Variants in SLC28A1 observed in about 807,000 individuals in gnomAD.
SLC28A1 encodes sodium/nucleoside cotransporter 1.
A neutral mutation model predicts 74.8 loss-of-function variants in SLC28A1; 64 were observed. The observed-to-expected ratio is 0.86, with a 90% CI of 0.70 to 1.05. The LOEUF is 1.05. Ranked by LOEUF, SLC28A1 falls within the 50% of genes least tolerant of loss-of-function variation. The pLI is 0.00. For missense variants in SLC28A1, 828 were observed against 822.8 expected (o/e 1.01, Z -0.08); for synonymous variants, 359 against 335.0 (o/e 1.07, Z -0.78).
intron 8 of SLC28A1, 124 bp downstream of exon 8, chr15:84,905,776 G>C (rs1967008006): frequency 2.5e-6 from 2 of 789,478 alleles, no homozygotes; most frequent in African/African-American, 3.4e-5. Context: ...GGAGGGTGGG[G>C]TGGACTGGGG....
the SLC28A1 span, chr15:84,961,489 A>G: frequency 2.2e-6 from 1 of 453,616 alleles, no homozygotes; most frequent in South Asian, 1.6e-5. Context: ...GTGCCGTCAC[A>G]CCTGGCTAAT....
At chr15:84,969,534 C>CG in the SLC28A1 span, among the ~76,000 whole-genome samples, 1 of 151,892 alleles carries the variant, frequency 6.6e-6, no homozygotes, top group Admixed American at 6.6e-5. Context: ...ACCCTGCCCC[C>CG]CGACTCGGAC....
chr15:84,945,003 G>A (rs1480252018), intron 18 of SLC28A1, 122 bp from the exon 19 acceptor site: 22 of 1,108,800 alleles, frequency 2.0e-5, no homozygotes, highest in Non-Finnish European at 3.0e-5. Context: ...GTGAAGGCTC[G>A]AGGACCAATG....
At chr15:84,922,531 C>T (rs569124381) in intron 11 of SLC28A1, among the ~76,000 whole-genome samples, 3 of 152,262 alleles carry the variant, frequency 2.0e-5, no homozygotes, top group Non-Finnish European at 2.9e-5. Context: ...CCCCGCTGCC[C>T]GGGCCACCTG....
chr15:84,915,949 G>C (rs58230131), intron 9 of SLC28A1, among the ~76,000 whole-genome samples: 120,130 of 147,222 alleles, frequency 0.82, 48,810 homozygotes, highest in Admixed American at 0.84. Flanking sequence ...TGTTGTTGTT[G>C]TTGTTCTTCT....
Position 84,935,495 on chromosome 15 carries a change from G to A in SLC28A1, c.1558G>A (p.Gly520Ser), listed in dbSNP as rs147369428. ...CCTGGCAGGGGCCGAGGAGTGGGTC[G>A]GCGACAGGAAGCAGTGGATCTCCGT... Reference protein sequence around the residue: ...RRLAGAEEWVGDRKQWISVRA... With the variant: ...RRLAGAEEWVSDRKQWISVRA... The change falls in exon 15 of 19, where the codon GGC becomes AGC. Residue 520 changes from glycine to serine, a missense_variant. Physicochemically the swap from Gly to Ser is moderately conservative, Grantham distance 56. Coordinates refer to ENST00000394573, the MANE Select transcript of SLC28A1 (RefSeq NM_004213.5). 77 of 1,613,832 alleles carry A rather than the reference G, an allele frequency of 4.8e-5. No individual in the cohort carries two copies. The African/African-American group carries it at 4.8e-4, about 10-fold the overall frequency.
Position 84,944,625 on chromosome 15 carries a change from A to G in SLC28A1, c.1723A>G (p.Thr575Ala). 1 of 1,614,042 alleles carries G rather than the reference A, an allele frequency of 6.2e-7. No homozygotes were observed. The highest frequency in any genetic ancestry group is 1.3e-5 in the African/African-American group (1 of 75,042). ...CCAGATAGTGCTCCGGGCGCTCTTC[A>G]CGGGAGCCTGTGTGTCCCTGGTGAA... ...FSQIVLRALFTGACVSLVNAC... is the reference protein window; with the variant it reads ...FSQIVLRALFAGACVSLVNAC... The change falls in exon 17 of 19, where the codon ACG (threonine) becomes GCG (alanine). Residue 575 changes from threonine to alanine, a missense_variant. This residue lies in a region of SLC28A1 where 767 missense variants were observed against 753.5 expected (regional missense o/e 1.02). Transcript: ENST00000394573.
intron 15 of SLC28A1, among the ~76,000 whole-genome samples, chr15:84,941,413 G>C (rs965399525): frequency 6.6e-6 from 1 of 151,962 alleles, no homozygotes; most frequent in Non-Finnish European, 1.5e-5. Flanking sequence ...CACCATGTTA[G>C]CCAGGATGGT....
chr15:84,896,708 A>G (rs1966039218), intron 6 of SLC28A1, among the ~76,000 whole-genome samples: 1 of 152,190 alleles, frequency 6.6e-6, no homozygotes, highest in Non-Finnish European at 1.5e-5. Flanking sequence ...GCTACTCTGT[A>G]GTGAAAACTA....
rs748785341 is a variant in SLC28A1, at chr15:84,905,625, G to A, written c.690G>A (p.Ala230=). The A allele has an allele frequency of 2.4e-5, 38 of 1,613,748 alleles. No homozygotes were observed. The highest frequency in any genetic ancestry group is 1.3e-4 in the Admixed American group (8 of 59,988). The change falls in exon 8 of 19, where the codon GCG becomes GCA. Residue 230 remains alanine, a synonymous_variant. Coordinates refer to ENST00000394573, the MANE Select transcript of SLC28A1 (RefSeq NM_004213.5). ...LVIRTEPGFI[A]FEWLGEQIRI... is the part of the protein sequence containing the mutation. The stretch of plus-strand genomic sequence containing the variant: ...TCAGAACAGAACCAGGATTCATTGC[G>A]TTCGAGTGGCTGGGCGAGCAGATCC...
At chr15:84,928,549 TC>T (rs1567171965) in intron 12 of SLC28A1, among the ~76,000 whole-genome samples, 4 of 21,148 alleles carry the variant, frequency 1.9e-4, no homozygotes, top group South Asian at 3.1e-3. Flanking sequence ...TTTCTTTCTT[TC>T]TTTCTTTCTT....
At position 84,908,269 on chromosome 15, in the gene SLC28A1, T is replaced by G. The variant is rs1481733628; in HGVS notation, c.718-449T>G. Among the ~76,000 whole-genome samples the G allele has an allele frequency of 4.3e-5, 6 of 141,118 alleles. No homozygotes were observed. In the Admixed American group the frequency reaches 4.7e-4, roughly 11 times the overall value. 92.6% of individuals were successfully genotyped at this position (141,118 alleles called of 152,430 possible). A position where few individuals can be genotyped will look rare whatever the true frequency, so the allele number is the denominator to read the frequency against. On this transcript the variant is annotated intron_variant, in intron 8 of 18. Transcript: ENST00000394573. Reference sequence around the variant, plus strand: ...CGCAATCTTGGCTCACTGCAACCTCTGCCTCCCGGGTTCAAGCGATTCTCC... The same window carrying G: ...CGCAATCTTGGCTCACTGCAACCTCGGCCTCCCGGGTTCAAGCGATTCTCC...
intron 15 of SLC28A1, among the ~76,000 whole-genome samples, chr15:84,941,644 G>A (rs1240332307): frequency 1.3e-5 from 2 of 152,080 alleles, no homozygotes; most frequent in Non-Finnish European, 2.9e-5. Context: ...AACACTTTGG[G>A]AGGCCAAGGA....
chr15:84,969,671 T>C, the SLC28A1 span, among the ~76,000 whole-genome samples: 1 of 152,192 alleles, frequency 6.6e-6, no homozygotes, highest in Non-Finnish European at 1.5e-5. Context: ...ACTGTAATCT[T>C]TTGTATCTGT....
chr15:84,930,167 G>T (rs966840275), intron 12 of SLC28A1, among the ~76,000 whole-genome samples: 1 of 152,272 alleles, frequency 6.6e-6, no homozygotes, highest in Non-Finnish European at 1.5e-5. Flanking sequence ...CGTGACTCAG[G>T]TTTACAAACC....
downstream of SLC28A1, among the ~76,000 whole-genome samples, chr15:84,948,144 T>C (rs2079296895): frequency 1.3e-5 from 2 of 152,228 alleles, no homozygotes; most frequent in East Asian, 1.9e-4. Flanking sequence ...TTCTGCCCCT[T>C]TCTTCCCATG....
the SLC28A1 span, among the ~76,000 whole-genome samples, chr15:84,956,404 CCCTT>C: frequency 2.5e-3 from 377 of 149,618 alleles, 2 homozygotes; most frequent in South Asian, 0.011. Flanking sequence ...TTTTCTCTCT[CCCTT>C]CCTTCCTTCC....
intron 6 of SLC28A1, chr15:84,895,640 A>AGAGG (rs149429652): frequency 0.027 from 39,587 of 1,444,762 alleles, 616 homozygotes; most frequent in Middle Eastern, 0.035. Context: ...ACAGGGCAGG[A>AGAGG]GAGGGAGGTT....
chr15:84,891,597 G>A (rs1275331311), intron 5 of SLC28A1, among the ~76,000 whole-genome samples: 1 of 152,206 alleles, frequency 6.6e-6, no homozygotes, highest in East Asian at 1.9e-4. Flanking sequence ...AGCCAAAGGA[G>A]CAAGGGTTTC....
Sources: gnomAD v4.1 joint callset for allele counts (sites outside exome capture counted in the v4.1 genomes callset) on GRCh38, gnomAD v4.1.1 for gene constraint, gnomAD v4.1.1 regional missense constraint, MANE v1.5 for transcripts, NCBI Gene and HGNC (gene_info 2026-07-23, HGNC 2026-07-21) for gene names.